WIPF1: variants seen among roughly 807,000 people sequenced by gnomAD.
WIPF1 encodes WAS/WASL-interacting protein family member 1.
A neutral mutation model predicts 35.4 loss-of-function variants in WIPF1; 13 were observed. The ratio of observed to expected loss-of-function variants is 0.37; its 90% CI spans 0.24 to 0.58. WIPF1 has a LOEUF of 0.58. Among genes scored for constraint, WIPF1 ranks in the 20% least tolerant of loss-of-function variants. WIPF1 has a pLI of 0.74. For synonymous variants in WIPF1, 267 were observed against 266.3 expected (o/e 1.00, Z -0.02); for missense variants, 591 against 667.0 (o/e 0.89, Z 1.25).
intron 1 of WIPF1, among the ~76,000 whole-genome samples, chr2:174,612,149 G>A (rs970771298): frequency 6.6e-6 from 1 of 151,996 alleles, no homozygotes; most frequent in Non-Finnish European, 1.5e-5. Flanking sequence ...ATCCTGCCTT[G>A]GCCTCCCAAA....
chr2:174,635,241 A>C (rs931601856), intron 1 of WIPF1, among the ~76,000 whole-genome samples: 11 of 152,196 alleles, frequency 7.2e-5, no homozygotes, highest in African/African-American at 2.4e-4. Flanking sequence ...AATAACTGGG[A>C]GACATTTCCC....
chr2:174,575,872 A>G (rs1685043941), intron 3 of WIPF1, among the ~76,000 whole-genome samples: 1 of 152,142 alleles, frequency 6.6e-6, no homozygotes, highest in South Asian at 2.1e-4. Flanking sequence ...AGAGGGTCGC[A>G]AGGGAGGAGG....
intron 1 of WIPF1, among the ~76,000 whole-genome samples, chr2:174,653,962 G>A (rs972504643): frequency 4.6e-5 from 7 of 152,124 alleles, no homozygotes; most frequent in East Asian, 1.9e-4. Flanking sequence ...AGGCATTTCC[G>A]TACTCAACAA....
intron 1 of WIPF1, among the ~76,000 whole-genome samples, chr2:174,628,998 T>A (rs1185916265): frequency 6.6e-6 from 1 of 152,254 alleles, no homozygotes; most frequent in Non-Finnish European, 1.5e-5. Flanking sequence ...AGTTTTTGAA[T>A]AACCTAACAT....
chr2:174,572,524 T>C, intron 4 of WIPF1, 78 bp from the exon 5 acceptor site: 1 of 1,570,412 alleles, frequency 6.4e-7, no homozygotes. Context: ...CTGTTCCCAG[T>C]GACTGGAAGT....
chr2:174,657,805 G>T (rs1687675239), intron 1 of WIPF1, among the ~76,000 whole-genome samples: 1 of 151,852 alleles, frequency 6.6e-6, no homozygotes, highest in Admixed American at 6.6e-5. Flanking sequence ...AGCTACTCGG[G>T]AGGCTGGGGC....
chr2:174,616,118 T>C (rs1331498300), intron 1 of WIPF1, among the ~76,000 whole-genome samples: 1 of 152,020 alleles, frequency 6.6e-6, no homozygotes, highest in East Asian at 1.9e-4. Flanking sequence ...ACAAAGATAG[T>C]TCAAAAAGCA....
In WIPF1 at chr2:174,571,188, T is replaced by A. The variant is rs1684820362; in HGVS notation, c.1129+488A>T. The A allele has an allele frequency of 4.5e-6, 1 of 219,894 alleles. No individual in the cohort carries two copies. Among genetic ancestry groups the A allele is most frequent in the Non-Finnish European group, 9.0e-6 (1 of 110,572 alleles). The allele number at this position is 219,894 out of a possible 1,614,324, so 13.6% of individuals were successfully genotyped here. ...AAAATGGACTTTTTAAACATTAGTC[T>A]TTAATGAATAGGGAAATGGCCTCAA... On this transcript the variant is annotated intron_variant, in intron 5 of 7. Coordinates refer to ENST00000679041, the MANE Select transcript of WIPF1 (RefSeq NM_001375834.1). The surrounding 1 kb of genome is among the most constrained non-coding windows in gnomAD (Gnocchi z 4.6).
intron 1 of WIPF1, among the ~76,000 whole-genome samples, chr2:174,663,388 T>C (rs1397809752): frequency 3.9e-5 from 6 of 152,140 alleles, no homozygotes; most frequent in African/African-American, 1.4e-4. Context: ...AGCCAGCCAT[T>C]AATAGTCTTC....
In WIPF1 at chr2:174,622,706, C is replaced by T. The variant is rs1686713655; in HGVS notation, c.-38-37095G>A. 1.3e-5 allele frequency among the ~76,000 whole-genome samples: 2 copies of T among 152,164 alleles called. No homozygotes were observed. Among genetic ancestry groups the T allele is most frequent in the African/African-American group, 4.8e-5 (2 of 41,436 alleles). ...GGCTGATTAGCACTTGTGTCTGCCC[C>T]GCGGTCAGAAATTTTATATGGCAAC... On this transcript the variant is annotated intron_variant, in intron 1 of 8. Coordinates refer to the WIPF1 transcript ENST00000272746. The surrounding 1 kb of genome is among the most constrained non-coding windows in gnomAD (Gnocchi z 5.1).
intron 1 of WIPF1, among the ~76,000 whole-genome samples, chr2:174,667,054 G>T (rs1002538741): frequency 5.9e-5 from 9 of 152,228 alleles, no homozygotes; most frequent in Middle Eastern, 3.2e-3. Context: ...GTTTAAGAAT[G>T]CAGTTGGTTT....
intron 1 of WIPF1, among the ~76,000 whole-genome samples, chr2:174,668,833 A>G (rs1427926937): frequency 6.6e-6 from 1 of 152,232 alleles, no homozygotes; most frequent in African/African-American, 2.4e-5. Context: ...GGGGCCATCT[A>G]GGTCCTTTAA....
intron 1 of WIPF1, among the ~76,000 whole-genome samples, chr2:174,670,615 G>C (rs1054771283): frequency 6.6e-6 from 1 of 152,190 alleles, no homozygotes; most frequent in African/African-American, 2.4e-5. Context: ...TGAGGAGCAA[G>C]AGCAGTACAG....
chr2:174,562,481 G>C lies in WIPF1; in HGVS notation c.*66C>G. ...GCACAAGGGAAGAAGCAGGGAGGAG[G>C]GTATGCAGTTCTTAGATAGCAACAG... On this transcript the variant is annotated 3_prime_UTR_variant, in exon 8 of 8. Transcript: ENST00000679041. 6.2e-7 allele frequency: 1 copy of C among 1,611,518 alleles called. No individual in the cohort carries two copies. Among genetic ancestry groups the C allele is most frequent in the South Asian group, 1.1e-5 (1 of 90,370 alleles).
At chr2:174,656,509 T>G (rs1687643369) in intron 1 of WIPF1, among the ~76,000 whole-genome samples, 1 of 152,206 alleles carries the variant, frequency 6.6e-6, no homozygotes, top group African/African-American at 2.4e-5. Flanking sequence ...CCATTTACAT[T>G]ACATCACATT....
intron 1 of WIPF1, among the ~76,000 whole-genome samples, chr2:174,677,809 G>A (rs1389321628): frequency 3.3e-5 from 5 of 152,306 alleles, no homozygotes; most frequent in East Asian, 1.9e-4. Context: ...AACAGCATAC[G>A]AAAGGAAAGT....
intron 1 of WIPF1, among the ~76,000 whole-genome samples, chr2:174,671,598 C>CT (rs1481460884): frequency 2.0e-5 from 3 of 152,132 alleles, no homozygotes; most frequent in Non-Finnish European, 4.4e-5. Flanking sequence ...TCGCTGAATT[C>CT]TTTTTCTCAG....
chr2:174,571,239 C>A lies in WIPF1; in HGVS notation c.1129+437G>T. On this transcript the variant is annotated intron_variant, in intron 5 of 7. Transcript: ENST00000679041. The surrounding 1 kb of genome is among the most constrained non-coding windows in gnomAD (Gnocchi z 4.6). ...AGCCTGGCGAATGAAGAGAGAAGTA[C>A]AGGAGAAGTTCATTAGCTCTTGAAG... 2.9e-6 allele frequency: 1 copy of A among 344,142 alleles called. No homozygotes were observed. Among genetic ancestry groups the A allele is most frequent in the Non-Finnish European group, 5.3e-6 (1 of 187,822 alleles). 21.3% of individuals were successfully genotyped at this position (344,142 alleles called of 1,614,324 possible).
chr2:174,562,675 G>T, intron 7 of WIPF1, 73 bp from the exon 8 acceptor site: 1 of 1,571,788 alleles, frequency 6.4e-7, no homozygotes, highest in South Asian at 1.2e-5. Context: ...CTCGGGGATG[G>T]TTGCACGGGT....
Sources: gnomAD v4.1 joint callset for allele counts (sites outside exome capture counted in the v4.1 genomes callset) on GRCh38, gnomAD v4.1.1 for gene constraint, Gnocchi (gnomAD v3.1) non-coding constraint, MANE v1.5 for transcripts, NCBI Gene and HGNC (gene_info 2026-07-23, HGNC 2026-07-21) for gene names.